The following NR1H4 variants were observed in gnomAD, a reference collection of about 807,000 sequenced individuals.
NR1H4 encodes nuclear receptor subfamily 1 group H member 4, also known as bile acid receptor.
In NR1H4, 23 loss-of-function variants were observed where a neutral mutation model predicts 58.5. That is an observed-to-expected ratio of 0.39 (90% CI 0.28 to 0.56). NR1H4 has a LOEUF of 0.56. Ranked by LOEUF, NR1H4 falls within the 20% of genes least tolerant of loss-of-function variation. The pLI is 0.58. For synonymous variants in NR1H4, 214 were observed against 198.0 expected, an observed-to-expected ratio of 1.08 and a Z score of -0.68; for missense variants, 487 against 576.9, an observed-to-expected ratio of 0.84 and a Z score of 1.60.
chr12:100,510,705 C>T (rs960759269), intron 3 of NR1H4, 73 bp from the exon 4 acceptor site: 4 of 1,554,926 alleles, frequency 2.6e-6, no homozygotes, highest in South Asian at 2.2e-5. Flanking sequence ...CACTCCTAAC[C>T]ATTACGCCAA....
At chr12:100,511,223 CT>C in intron 4 of NR1H4, 80 bp downstream of exon 4, 1 of 1,587,906 alleles carries the variant, frequency 6.3e-7, no homozygotes, top group Non-Finnish European at 8.6e-7. Context: ...AATTGCTTCC[CT>C]TTTCCCAGGC....
intron 4 of NR1H4, among the ~76,000 whole-genome samples, chr12:100,515,831 T>C (rs1954252244): frequency 6.6e-6 from 1 of 152,230 alleles, no homozygotes; most frequent in South Asian, 2.1e-4. Context: ...TTATTTGACA[T>C]AGATTCAGAT....
chr12:100,488,998 G>A (rs924456275), intron 1 of NR1H4, among the ~76,000 whole-genome samples: 1 of 152,136 alleles, frequency 6.6e-6, no homozygotes, highest in Non-Finnish European at 1.5e-5. Flanking sequence ...AGACTATAGA[G>A]CTAAAGTCAA....
At chr12:100,549,659 T>C (rs552594523) in intron 9 of NR1H4, among the ~76,000 whole-genome samples, 2 of 152,306 alleles carry the variant, frequency 1.3e-5, no homozygotes, top group South Asian at 4.1e-4. Context: ...AGCTAAAGAA[T>C]GAAGTTTTCC....
At chr12:100,553,127 T>G (rs1272856019) in intron 9 of NR1H4, among the ~76,000 whole-genome samples, 1 of 152,030 alleles carries the variant, frequency 6.6e-6, no homozygotes, top group Non-Finnish European at 1.5e-5. Context: ...GCCTCCTGAG[T>G]AGCTGGGACT....
chr12:100,560,754 C>T (rs1955452188), intron 9 of NR1H4, among the ~76,000 whole-genome samples: 1 of 152,112 alleles, frequency 6.6e-6, no homozygotes, highest in South Asian at 2.1e-4. Context: ...ATAGGAAGGC[C>T]AGTAAAGAGG....
At chr12:100,523,894 A>G (rs1268464443) in intron 4 of NR1H4, among the ~76,000 whole-genome samples, 1 of 152,228 alleles carries the variant, frequency 6.6e-6, no homozygotes, top group Non-Finnish European at 1.5e-5. Flanking sequence ...CTAAAGCAAA[A>G]GCAGAAAAAT....
At chr12:100,495,772 C>T (rs553100965) in intron 3 of NR1H4, among the ~76,000 whole-genome samples, 1 of 151,710 alleles carries the variant, frequency 6.6e-6, no homozygotes, top group South Asian at 2.1e-4. Context: ...TAAAGGTATG[C>T]CAAAGGGGAG....
In NR1H4 at chr12:100,493,032, T is replaced by G. The variant is rs529283509; in HGVS notation, c.-54-238T>G. 8.9e-4 allele frequency among the ~76,000 whole-genome samples: 136 copies of G among 152,244 alleles called. 1 individual carries two copies. Among genetic ancestry groups the G allele is most frequent in the African/African-American group, 3.0e-3 (125 of 41,546 alleles). ...GAAATTTGAATGAAAACATACGGTG[T>G]TTTTTTCAGATAAATTAGTATCTTT... On this transcript the variant is annotated intron_variant, in intron 2 of 10. Coordinates refer to ENST00000392986, the MANE Select transcript of NR1H4 (RefSeq NM_001206979.2).
chr12:100,564,347 T>C lies in NR1H4; in HGVS notation c.*858T>C, dbSNP rs1955532616. 1 of 152,234 alleles carries C rather than the reference T, an allele frequency of 6.6e-6. No individual in the cohort carries two copies. Among genetic ancestry groups the C allele is most frequent in the South Asian group, 2.1e-4 (1 of 4,830 alleles). 9.4% of individuals were successfully genotyped at this position (152,234 alleles called of 1,614,324 possible). On this transcript the variant is annotated 3_prime_UTR_variant, in exon 11 of 11. Transcript: ENST00000392986. Reference sequence around the variant, plus strand: ...GAATTAGTTCATTTCCTTCCTTCATTGTTACACTGTTGCATTCTTCTCCCT... The same window carrying C: ...GAATTAGTTCATTTCCTTCCTTCATCGTTACACTGTTGCATTCTTCTCCCT...
chr12:100,481,783 G>A (rs1167492736), intron 1 of NR1H4, among the ~76,000 whole-genome samples: 12 of 151,948 alleles, frequency 7.9e-5, no homozygotes, highest in African/African-American at 1.7e-4. Flanking sequence ...GCATGGTGGC[G>A]GGTGCCTGTA....
intron 9 of NR1H4, among the ~76,000 whole-genome samples, chr12:100,550,090 A>C (rs1029154598): frequency 8.5e-5 from 13 of 152,172 alleles, no homozygotes; most frequent in Admixed American, 6.5e-5. Context: ...ATTAAATCCC[A>C]ATCACATACA....
chr12:100,527,289 A>T (rs1593096991), intron 4 of NR1H4, among the ~76,000 whole-genome samples: 2 of 152,338 alleles, frequency 1.3e-5, no homozygotes, highest in East Asian at 3.9e-4. Flanking sequence ...ACAGTTTGGG[A>T]GGTTGAGGCA....
intron 1 of NR1H4, among the ~76,000 whole-genome samples, chr12:100,475,121 T>TTACC (rs1566421601): frequency 1.0e-5 from 1 of 100,444 alleles, no homozygotes; most frequent in African/African-American, 4.0e-5. Context: ...GTAAAGTGGT[T>TTACC]TACCTATCTA....
intron 1 of NR1H4, among the ~76,000 whole-genome samples, chr12:100,475,200 A>T (rs1293424505): frequency 6.6e-6 from 1 of 151,490 alleles, no homozygotes; most frequent in Non-Finnish European, 1.5e-5. Context: ...GGGAGAAGAG[A>T]GGAAAAGATG....
intron 9 of NR1H4, among the ~76,000 whole-genome samples, chr12:100,548,115 C>T (rs1000476841): frequency 6.7e-5 from 10 of 150,372 alleles, no homozygotes; most frequent in Admixed American, 2.0e-4. Flanking sequence ...CACCTGTAAT[C>T]CCAGCCCTTT....
intron 4 of NR1H4, among the ~76,000 whole-genome samples, chr12:100,512,813 A>T (rs1954156612): frequency 1.3e-5 from 2 of 152,234 alleles, no homozygotes; most frequent in Non-Finnish European, 2.9e-5. Context: ...TCTTGAGCAG[A>T]ATCTTTCGGA....
chr12:100,521,672 G>A (rs749705195), intron 4 of NR1H4, among the ~76,000 whole-genome samples: 2 of 152,172 alleles, frequency 1.3e-5, no homozygotes, highest in Non-Finnish European at 2.9e-5. Context: ...ACTTAGGTCT[G>A]AAGTTTTAAA....
chr12:100,545,037 T>C (rs1416259894), intron 9 of NR1H4, among the ~76,000 whole-genome samples: 1 of 152,176 alleles, frequency 6.6e-6, no homozygotes, highest in African/African-American at 2.4e-5. Context: ...TTGAAATGTT[T>C]TGATGAGAGG....
Sources: allele counts gnomAD v4.1 joint callset (sites outside exome capture counted in the v4.1 genomes callset), GRCh38; gene constraint gnomAD v4.1.1; transcripts MANE v1.5; gene names NCBI Gene and HGNC (gene_info 2026-07-23, HGNC 2026-07-21).